EXOC4: variants seen among roughly 807,000 people sequenced by gnomAD.
EXOC4 encodes SEC8-like 1.
A neutral mutation model predicts 107.2 loss-of-function variants in EXOC4; 71 were observed. That is an observed-to-expected ratio of 0.66 (90% CI 0.55 to 0.81). The LOEUF is 0.81. EXOC4 is among the 30% of genes least tolerant of loss of function. The pLI is 0.00. For missense variants in EXOC4, 1,108 were observed against 1,189.6 expected, an observed-to-expected ratio of 0.93 and a Z score of 1.01; for synonymous variants, 456 against 441.2, an observed-to-expected ratio of 1.03 and a Z score of -0.42.
At chr7:133,829,240 T>C (rs1178579468) in intron 11 of EXOC4, among the ~76,000 whole-genome samples, 1 of 152,218 alleles carries the variant, frequency 6.6e-6, no homozygotes, top group East Asian at 1.9e-4. Context: ...CACAAAACTC[T>C]ACCAGGGAGG....
At chr7:133,976,752 C>A (rs565294072) in intron 14 of EXOC4, among the ~76,000 whole-genome samples, 2 of 152,248 alleles carry the variant, frequency 1.3e-5, no homozygotes, top group South Asian at 2.1e-4. Context: ...GTCTCAAATA[C>A]CTTTGTTTGG....
intron 11 of EXOC4, among the ~76,000 whole-genome samples, chr7:133,844,647 C>T (rs1239586283): frequency 6.6e-6 from 1 of 152,046 alleles, no homozygotes; most frequent in East Asian, 1.9e-4. Context: ...CTCGGCCTCA[C>T]AAAGCTCTGG....
chr7:133,860,924 C>A (rs748324889), intron 11 of EXOC4, among the ~76,000 whole-genome samples: 6 of 152,154 alleles, frequency 3.9e-5, no homozygotes, highest in Non-Finnish European at 7.4e-5. Context: ...AACACAGCTG[C>A]TTCCTTTCCC....
chr7:133,665,850 A>G (rs1377655477), intron 10 of EXOC4, among the ~76,000 whole-genome samples: 1 of 152,188 alleles, frequency 6.6e-6, no homozygotes, highest in African/African-American at 2.4e-5. Context: ...GTCATTTTCA[A>G]GCTAGATTCT....
chr7:133,599,982 C>G (rs1156258856), intron 9 of EXOC4, among the ~76,000 whole-genome samples: 2 of 144,428 alleles, frequency 1.4e-5, no homozygotes, highest in African/African-American at 2.6e-5. Context: ...CTCACTGCAT[C>G]CTAAACCTCC....
chr7:133,283,575 T>A (rs911559906), intron 2 of EXOC4, among the ~76,000 whole-genome samples: 1 of 152,208 alleles, frequency 6.6e-6, no homozygotes, highest in African/African-American at 2.4e-5. Context: ...ATTTTTTAAT[T>A]TTTTGAGGAA....
rs564442628 is a variant in EXOC4 at position 133,570,444 on chromosome 7, C to T, written c.1418-59601C>T. 5.3e-5 allele frequency among the ~76,000 whole-genome samples: 8 copies of T among 152,314 alleles called. No homozygotes were observed. In the East Asian group the frequency reaches 5.8e-4, roughly 11 times the overall value. ...TCATTGCTTTTCTTTCAGCACATGT[C>T]GTGCTCTTTCACCATCGTGGTTTTC... On this transcript the variant is annotated intron_variant, in intron 9 of 17. Coordinates refer to ENST00000253861, the MANE Select transcript of EXOC4 (RefSeq NM_021807.4).
At chr7:133,454,959 T>C (rs6467492) in intron 7 of EXOC4, among the ~76,000 whole-genome samples, 129,358 of 152,078 alleles carry the variant, frequency 0.85, 55,347 homozygotes, top group East Asian at 0.95. Flanking sequence ...ATTAGCCATG[T>C]ATCGTGGTCA....
intron 7 of EXOC4, among the ~76,000 whole-genome samples, chr7:133,469,110 G>A (rs911886071): frequency 6.6e-6 from 1 of 152,106 alleles, no homozygotes; most frequent in Non-Finnish European, 1.5e-5. Context: ...CACTGAATAC[G>A]TGAAGTTAGT....
intron 10 of EXOC4, among the ~76,000 whole-genome samples, chr7:133,710,327 T>C (rs1794858733): frequency 6.6e-6 from 1 of 151,992 alleles, no homozygotes; most frequent in Admixed American, 6.5e-5. Flanking sequence ...TTTCACTCAG[T>C]GATGAGATGA....
At chr7:133,937,433 G>A (rs540902717) in intron 13 of EXOC4, among the ~76,000 whole-genome samples, 288 of 152,248 alleles carry the variant, frequency 1.9e-3, no homozygotes, top group Non-Finnish European at 3.4e-3. Flanking sequence ...AGGCTGGATC[G>A]TCTTTGCTTT....
chr7:133,340,763 A>G (rs1420937824), intron 5 of EXOC4, among the ~76,000 whole-genome samples: 3 of 151,920 alleles, frequency 2.0e-5, no homozygotes, highest in Non-Finnish European at 4.4e-5. Flanking sequence ...GGAGGGTTGT[A>G]TATTTCCAGG....
chr7:133,963,189 C>T (rs1219779631), intron 14 of EXOC4, among the ~76,000 whole-genome samples: 1 of 152,246 alleles, frequency 6.6e-6, no homozygotes, highest in Admixed American at 6.5e-5. Context: ...TTCCCTAGAT[C>T]AGGTATCACA....
intron 10 of EXOC4, among the ~76,000 whole-genome samples, chr7:133,706,407 A>T (rs1032400533): frequency 6.6e-6 from 1 of 152,232 alleles, no homozygotes; most frequent in Non-Finnish European, 1.5e-5. Flanking sequence ...ATTTACATTT[A>T]TACACACATA....
At chr7:133,572,524 T>A (rs2483510) in intron 9 of EXOC4, among the ~76,000 whole-genome samples, 151,540 of 152,154 alleles carry the variant, frequency 1, 75,470 homozygotes, top group Middle Eastern at 1. Context: ...AACAATATAA[T>A]TTTTTTTTAA....
intron 10 of EXOC4, among the ~76,000 whole-genome samples, chr7:133,751,422 T>C (rs1472722876): frequency 1.3e-5 from 2 of 152,194 alleles, no homozygotes; most frequent in Non-Finnish European, 2.9e-5. Flanking sequence ...CAAAATAGTT[T>C]GAAATTTCCT....
intron 14 of EXOC4, among the ~76,000 whole-genome samples, chr7:133,969,233 A>G (rs1244743755): frequency 1.3e-5 from 2 of 152,130 alleles, no homozygotes; most frequent in Non-Finnish European, 2.9e-5. Flanking sequence ...TCTAGTTAGC[A>G]ATTCCTCTAA....
rs1797604025 is a variant in EXOC4 at position 133,823,863 on chromosome 7, ATATATATATT to A, written c.1734+6320_1734+6329del. 5.3e-4 allele frequency among the ~76,000 whole-genome samples: 9 copies of A among 17,046 alleles called. 1 individual carries two copies. Among genetic ancestry groups the A allele is most frequent in the Admixed American group, 1.2e-3 (2 of 1,700 alleles). The allele number at this position is 17,046 out of a possible 152,430, so 11.2% of individuals were successfully genotyped here. ...ATATATTATATATATATATATATAT[ATATATATATT>A]ATATATATATATATATATATTTTAT... On this transcript the variant is annotated intron_variant, in intron 11 of 17. Coordinates refer to ENST00000253861, the MANE Select transcript of EXOC4 (RefSeq NM_021807.4).
chr7:133,676,981 A>G (rs1027912756), intron 10 of EXOC4, among the ~76,000 whole-genome samples: 2 of 87,146 alleles, frequency 2.3e-5, no homozygotes, highest in African/African-American at 7.9e-5. Flanking sequence ...GTGTGTGTTG[A>G]GAACAAAGTG....
Sources: gnomAD v4.1 joint callset for allele counts (sites outside exome capture counted in the v4.1 genomes callset) on GRCh38, gnomAD v4.1.1 for gene constraint, MANE v1.5 for transcripts, NCBI Gene and HGNC (gene_info 2026-07-23, HGNC 2026-07-21) for gene names.